The following PEBP4 variants were observed in gnomAD, a reference collection of about 807,000 sequenced individuals.
PEBP4 encodes the protein phosphatidylethanolamine binding protein 4, also known as phosphatidylethanolamine-binding protein 4.
A neutral mutation model predicts 23.9 loss-of-function variants in PEBP4; 22 were observed. That is an observed-to-expected ratio of 0.92 (90% confidence interval 0.66 to 1.31). PEBP4 has a LOEUF of 1.31. Ranked by LOEUF, PEBP4 falls within the 40% of genes most tolerant of loss-of-function variation. PEBP4 has a pLI of 0.00. For synonymous variants in PEBP4, 112 were observed against 99.3 expected, an observed-to-expected ratio of 1.13 and a Z score of -0.76; for missense variants, 324 against 281.7, an observed-to-expected ratio of 1.15 and a Z score of -1.07.
chr8:22,845,587 C>T (rs1164993405), intron 3 of PEBP4, among the ~76,000 whole-genome samples: 1 of 152,186 alleles, frequency 6.6e-6, no homozygotes, highest in African/African-American at 2.4e-5. Flanking sequence ...AGAGCCTCCT[C>T]TGATCTTGCC....
chr8:22,795,842 C>T (rs542417517), intron 4 of PEBP4, among the ~76,000 whole-genome samples: 8 of 152,082 alleles, frequency 5.3e-5, no homozygotes, highest in African/African-American at 1.2e-4. Context: ...ATAAAAATAA[C>T]GAATTTACCT....
chr8:22,800,086 G>A (rs1018710971), intron 4 of PEBP4, among the ~76,000 whole-genome samples: 3 of 152,164 alleles, frequency 2.0e-5, no homozygotes, highest in African/African-American at 4.8e-5. Context: ...CCATCATTCT[G>A]AGCAAACTAT....
intron 3 of PEBP4, among the ~76,000 whole-genome samples, chr8:22,859,453 C>T (rs1038921826): frequency 3.5e-4 from 54 of 152,174 alleles, no homozygotes; most frequent in Admixed American, 1.4e-3. Context: ...GCAGAGGAAG[C>T]AGCCAGAAGT....
At chr8:22,824,398 G>A (rs1329581475) in intron 3 of PEBP4, among the ~76,000 whole-genome samples, 1 of 152,002 alleles carries the variant, frequency 6.6e-6, no homozygotes, top group Non-Finnish European at 1.5e-5. Context: ...GGCCCCTCCT[G>A]TCCCTAACCC....
chr8:22,889,201 A>C lies in PEBP4; in HGVS notation c.258+30983T>G, dbSNP rs138969230. ...GAGTTTGCACAGCTACAAAATGGGGATAATTTTCCTACCATACAGGATTTG... is the reference window on the plus strand; with the variant it reads ...GAGTTTGCACAGCTACAAAATGGGGCTAATTTTCCTACCATACAGGATTTG... On this transcript the variant is annotated intron_variant, in intron 3 of 6. Transcript: ENST00000256404. Among the ~76,000 whole-genome samples the C allele has an allele frequency of 2.7e-3, 406 of 152,312 alleles. 2 individuals are homozygous for C. Among genetic ancestry groups the C allele is most frequent in the Non-Finnish European group, 4.5e-3 (303 of 68,024 alleles).
chr8:22,793,293 G>A (rs1806177401), intron 4 of PEBP4, among the ~76,000 whole-genome samples: 1 of 152,092 alleles, frequency 6.6e-6, no homozygotes, highest in Non-Finnish European at 1.5e-5. Context: ...TTGAGACAGA[G>A]TTTCACTCCG....
At chr8:22,799,534 A>T (rs915611582) in intron 4 of PEBP4, among the ~76,000 whole-genome samples, 6 of 152,348 alleles carry the variant, frequency 3.9e-5, no homozygotes, top group African/African-American at 1.4e-4. Context: ...ACAAAATGCC[A>T]AATTTTGCTT....
intron 2 of PEBP4, among the ~76,000 whole-genome samples, chr8:22,923,649 G>C (rs952822406): frequency 5.3e-5 from 8 of 152,116 alleles, no homozygotes; most frequent in Non-Finnish European, 7.4e-5. Flanking sequence ...GAGTGCTATG[G>C]TCTGAGTGTT....
At chr8:22,784,390 T>C (rs1271446029) in intron 4 of PEBP4, among the ~76,000 whole-genome samples, 1 of 151,642 alleles carries the variant, frequency 6.6e-6, no homozygotes, top group Non-Finnish European at 1.5e-5. Flanking sequence ...AGGGACAGAG[T>C]GTGGTTATCT....
At chr8:22,741,439 A>G (rs892248516) in intron 4 of PEBP4, among the ~76,000 whole-genome samples, 1 of 152,222 alleles carries the variant, frequency 6.6e-6, no homozygotes, top group Non-Finnish European at 1.5e-5. Flanking sequence ...TACAGTGCTC[A>G]GCAGGCAAAT....
chr8:22,720,480 G>T (rs1029612167), intron 6 of PEBP4, among the ~76,000 whole-genome samples: 4 of 152,214 alleles, frequency 2.6e-5, no homozygotes, highest in Non-Finnish European at 5.9e-5. Context: ...GCAGTGTGCC[G>T]CACACAAGGG....
At chr8:22,751,963 C>A (rs1805277400) in intron 4 of PEBP4, among the ~76,000 whole-genome samples, 1 of 152,214 alleles carries the variant, frequency 6.6e-6, no homozygotes, top group Admixed American at 6.5e-5. Flanking sequence ...GTGGTTTGAT[C>A]ATAGCGCACT....
At chr8:22,739,712 C>T (rs540492498) in intron 4 of PEBP4, among the ~76,000 whole-genome samples, 20 of 152,248 alleles carry the variant, frequency 1.3e-4, no homozygotes, top group Non-Finnish European at 2.4e-4. Flanking sequence ...CCCCGAGCTC[C>T]GGCCCTAGCA....
intron 4 of PEBP4, among the ~76,000 whole-genome samples, chr8:22,752,006 C>T (rs1475425826): frequency 2.0e-5 from 3 of 152,224 alleles, no homozygotes; most frequent in Admixed American, 6.5e-5. Flanking sequence ...AGGCAATCCT[C>T]CTACCTCAGC....
In PEBP4 at chr8:22,724,869, A is replaced by G; in HGVS notation, c.491T>C (p.Leu164Pro). The G allele has an allele frequency of 6.2e-7, 1 of 1,613,992 alleles. No homozygotes were observed. The highest frequency in any genetic ancestry group is 1.1e-5 in the South Asian group (1 of 91,080). Residue 164 changes from leucine to proline, a missense_variant, in exon 6 of 7, where the codon CTC becomes CCC. Coordinates refer to ENST00000256404, the MANE Select transcript of PEBP4 (RefSeq NM_144962.3). ...TCGAGTTTTGTTTTCCTTGGGAAGG[A>G]GAGAGATGACTTTTCCTTCCTGAAG... The part of the protein sequence containing the change: ...VYLQEGKVIS[L>P]LPKENKTRGS...
At chr8:22,853,929 G>A (rs1807592939) in intron 3 of PEBP4, among the ~76,000 whole-genome samples, 1 of 152,162 alleles carries the variant, frequency 6.6e-6, no homozygotes, top group African/African-American at 2.4e-5. Context: ...TTGATAAACT[G>A]GCCACAGATC....
chr8:22,819,705 C>G (rs1585290884), intron 3 of PEBP4, among the ~76,000 whole-genome samples: 1 of 152,050 alleles, frequency 6.6e-6, no homozygotes, highest in African/African-American at 2.4e-5. Flanking sequence ...CTCCGGGGTT[C>G]ACGCCATTCT....
At chr8:22,890,580 A>T (rs769618062) in intron 3 of PEBP4, among the ~76,000 whole-genome samples, 1 of 152,216 alleles carries the variant, frequency 6.6e-6, no homozygotes, top group Non-Finnish European at 1.5e-5. Flanking sequence ...GCACACCTTC[A>T]TAGTGGCACT....
At chr8:22,858,233 TA>T (rs1807697559) in intron 3 of PEBP4, among the ~76,000 whole-genome samples, 1 of 152,148 alleles carries the variant, frequency 6.6e-6, no homozygotes, top group South Asian at 2.1e-4. Context: ...CATTTCTTCT[TA>T]AGTTCCTTTC....
Sources: allele counts gnomAD v4.1 joint callset (sites outside exome capture counted in the v4.1 genomes callset), GRCh38; gene constraint gnomAD v4.1.1; transcripts MANE v1.5; gene names NCBI Gene and HGNC (gene_info 2026-07-23, HGNC 2026-07-21).